Variants in SH3GL2 observed in about 807,000 individuals in gnomAD.
SH3GL2 encodes endophilin-A1.
Under a neutral mutation model 46.0 loss-of-function variants are expected in SH3GL2, and 24 were observed. That is an observed-to-expected ratio of 0.52 (90% CI 0.38 to 0.73). The LOEUF (loss-of-function observed/expected upper bound fraction) is 0.73. Among genes scored for constraint, SH3GL2 ranks in the 30% least tolerant of loss-of-function variants. The pLI is 0.00. For synonymous variants in SH3GL2, 196 were observed against 147.1 expected (o/e 1.33, Z -2.40); for missense variants, 413 against 424.2 (o/e 0.97, Z 0.23).
At chr9:17,731,437 AAGAGAG>A (rs915448320) in intron 1 of SH3GL2, among the ~76,000 whole-genome samples, 1 of 149,036 alleles carries the variant, frequency 6.7e-6, no homozygotes, top group Non-Finnish European at 1.5e-5. Context: ...GAGAGAGAGA[AAGAGAG>A]AGAGAGAGAC....
chr9:17,606,101 G>C (rs1818756390), intron 1 of SH3GL2, among the ~76,000 whole-genome samples: 1 of 151,826 alleles, frequency 6.6e-6, no homozygotes, highest in African/African-American at 2.4e-5. Context: ...TTGTTTGTTT[G>C]TTTGTTTTTG....
chr9:17,787,337 T>C, intron 4 of SH3GL2, 43 bp from the exon 5 acceptor site: 1 of 1,578,788 alleles, frequency 6.3e-7, no homozygotes, highest in Non-Finnish European at 8.6e-7. Flanking sequence ...CGAGTGCATT[T>C]CATCTTTATT....
At chr9:17,652,519 G>C (rs993563003) in intron 1 of SH3GL2, among the ~76,000 whole-genome samples, 1 of 152,102 alleles carries the variant, frequency 6.6e-6, no homozygotes, top group African/African-American at 2.4e-5. Flanking sequence ...CTTCAGAAGA[G>C]CAGCTAGTCT....
intron 1 of SH3GL2, among the ~76,000 whole-genome samples, chr9:17,699,323 T>G (rs905190862): frequency 2.0e-5 from 3 of 152,090 alleles, no homozygotes; most frequent in Non-Finnish European, 4.4e-5. Flanking sequence ...TGCATAGCAT[T>G]CAAGGTGAAG....
intron 1 of SH3GL2, among the ~76,000 whole-genome samples, chr9:17,701,646 C>G (rs1821344565): frequency 6.6e-6 from 1 of 151,992 alleles, no homozygotes; most frequent in African/African-American, 2.4e-5. Flanking sequence ...ATGGGAATAG[C>G]CTACATAGAT....
At chr9:17,667,226 C>A (rs73420569) in intron 1 of SH3GL2, among the ~76,000 whole-genome samples, 1 of 151,984 alleles carries the variant, frequency 6.6e-6, no homozygotes, top group Non-Finnish European at 1.5e-5. Context: ...AATTCACATA[C>A]CATAACATTA....
chr9:17,583,758 G>A (rs1818320592), intron 1 of SH3GL2, among the ~76,000 whole-genome samples: 1 of 152,110 alleles, frequency 6.6e-6, no homozygotes, highest in South Asian at 2.1e-4. Flanking sequence ...ATTTCATCAT[G>A]TTTGTGTTCT....
At chr9:17,790,370 TA>T in intron 6 of SH3GL2, 1 of 935,614 alleles carries the variant, frequency 1.1e-6, no homozygotes, top group Non-Finnish European at 1.3e-6. Flanking sequence ...AGTTGTCACC[TA>T]AAATTAACCA....
chr9:17,632,040 A>G lies in SH3GL2; in HGVS notation c.45+52753A>G, dbSNP rs572364195. ...GGGTTATTTCTGGAAAGATTTTAAG[A>G]TAGCTTAAGGGCTTTCTTAACCACA... On this transcript the variant is annotated intron_variant, in intron 1 of 8. Transcript: ENST00000380607. Among the ~76,000 whole-genome samples the G allele has an allele frequency of 3.9e-4, 60 of 152,286 alleles. 3 individuals are homozygous for G. The South Asian group carries it at 0.011, about 29-fold the overall frequency.
At chr9:17,754,295 G>A (rs1202368045) in intron 2 of SH3GL2, among the ~76,000 whole-genome samples, 1 of 152,046 alleles carries the variant, frequency 6.6e-6, no homozygotes, top group African/African-American at 2.4e-5. Flanking sequence ...ATGATATTGA[G>A]TCTTCCTATC....
chr9:17,645,050 T>C (rs1484711594), intron 1 of SH3GL2, among the ~76,000 whole-genome samples: 3 of 152,116 alleles, frequency 2.0e-5, no homozygotes, highest in Non-Finnish European at 4.4e-5. Flanking sequence ...GCTCTTCTCA[T>C]TGCATTGATT....
intron 1 of SH3GL2, among the ~76,000 whole-genome samples, chr9:17,693,690 A>G (rs947588588): frequency 6.6e-6 from 1 of 152,172 alleles, no homozygotes; most frequent in African/African-American, 2.4e-5. Context: ...CTTTTCCTAG[A>G]TGATATTTTT....
intron 1 of SH3GL2, among the ~76,000 whole-genome samples, chr9:17,603,941 G>A (rs1030634514): frequency 6.6e-6 from 1 of 152,088 alleles, no homozygotes; most frequent in Non-Finnish European, 1.5e-5. Context: ...AGTTAAGATG[G>A]TAAATTTTAT....
intron 1 of SH3GL2, among the ~76,000 whole-genome samples, chr9:17,596,037 C>G (rs1458300827): frequency 6.6e-6 from 1 of 152,158 alleles, no homozygotes; most frequent in Non-Finnish European, 1.5e-5. Flanking sequence ...TGTAACCCCA[C>G]TTTCTCAGGA....
At chr9:17,601,257 A>AT (rs112331317) in intron 1 of SH3GL2, among the ~76,000 whole-genome samples, 3,270 of 148,608 alleles carry the variant, frequency 0.022, 58 homozygotes, top group African/African-American at 0.047. Flanking sequence ...TTTGGAATCA[A>AT]TTTTTTTTTT....
chr9:17,767,484 A>G (rs1269165534), intron 3 of SH3GL2, among the ~76,000 whole-genome samples: 1 of 152,230 alleles, frequency 6.6e-6, no homozygotes, highest in Non-Finnish European at 1.5e-5. Flanking sequence ...AAATGAATAC[A>G]TGTATTACTT....
At chr9:17,715,722 T>A (rs1176914939) in intron 1 of SH3GL2, among the ~76,000 whole-genome samples, 2 of 151,052 alleles carry the variant, frequency 1.3e-5, no homozygotes, top group Non-Finnish European at 3.0e-5. Flanking sequence ...CATCGCATTA[T>A]GTCCAGATAA....
rs1278683523 is a variant in SH3GL2 at position 17,791,342 on chromosome 9, A to G, written c.728+8A>G. On this transcript the variant is annotated splice_region_variant and intron_variant, in intron 7 of 8. Transcript: ENST00000380607. ...GGTCAGACTGGAAGAAAGGTATTCT[A>G]CAGTTCCCTGCATTTCACATTTGCA... The G allele has an allele frequency of 1.3e-6, 2 of 1,549,750 alleles. No individual in the cohort carries two copies. Among genetic ancestry groups the G allele is most frequent in the South Asian group, 1.1e-5 (1 of 89,736 alleles).
chr9:17,767,905 C>G (rs1371970521), intron 3 of SH3GL2, among the ~76,000 whole-genome samples: 4 of 152,052 alleles, frequency 2.6e-5, no homozygotes, highest in Non-Finnish European at 4.4e-5. Flanking sequence ...TATTGAAAGG[C>G]TGGAGGGTTT....
Sources: gnomAD v4.1 joint callset for allele counts (sites outside exome capture counted in the v4.1 genomes callset) on GRCh38, gnomAD v4.1.1 for gene constraint, MANE v1.5 for transcripts, NCBI Gene and HGNC (gene_info 2026-07-23, HGNC 2026-07-21) for gene names.